KHDRBS2: variants seen among roughly 807,000 people sequenced by gnomAD.
The protein encoded by KHDRBS2 is KH domain-containing, RNA-binding, signal transduction-associated protein 2.
A neutral mutation model predicts 44.3 loss-of-function variants in KHDRBS2; 26 were observed. That is an observed-to-expected ratio of 0.59 (90% CI 0.43 to 0.81). The LOEUF (loss-of-function observed/expected upper bound fraction) is 0.81. Among genes scored for constraint, KHDRBS2 ranks in the 40% least tolerant of loss-of-function variants. KHDRBS2 has a pLI of 0.00. For synonymous variants in KHDRBS2, 194 were observed against 151.1 expected, an observed-to-expected ratio of 1.28 and a Z score of -2.08; for missense variants, 476 against 433.1, an observed-to-expected ratio of 1.10 and a Z score of -0.88.
intron 7 of KHDRBS2, among the ~76,000 whole-genome samples, chr6:61,731,945 A>G (rs1774523545): frequency 6.6e-6 from 1 of 152,118 alleles, no homozygotes; most frequent in South Asian, 2.1e-4. Flanking sequence ...TATGGTAACA[A>G]AAAACAGATA....
At chr6:61,993,193 T>A (rs1020497097) in intron 3 of KHDRBS2, among the ~76,000 whole-genome samples, 2 of 152,108 alleles carry the variant, frequency 1.3e-5, no homozygotes, top group Non-Finnish European at 2.9e-5. Context: ...ACTTTATACT[T>A]GTTGGCACAC....
chr6:62,198,998 C>A (rs965613983), intron 1 of KHDRBS2, among the ~76,000 whole-genome samples: 1 of 152,146 alleles, frequency 6.6e-6, no homozygotes, highest in African/African-American at 2.4e-5. Context: ...ACATGATTAT[C>A]TCAATAGATG....
At chr6:61,823,852 G>A (rs573516977) in intron 6 of KHDRBS2, among the ~76,000 whole-genome samples, 18 of 152,198 alleles carry the variant, frequency 1.2e-4, no homozygotes, top group African/African-American at 4.3e-4. Flanking sequence ...TCAAAAACCA[G>A]TAAAACATGT....
intron 2 of KHDRBS2, among the ~76,000 whole-genome samples, chr6:62,087,507 T>C (rs1447450629): frequency 2.0e-5 from 3 of 152,034 alleles, no homozygotes; most frequent in African/African-American, 4.8e-5. Context: ...AAAAAAGATA[T>C]TAAATAAAAT....
intron 4 of KHDRBS2, among the ~76,000 whole-genome samples, chr6:61,947,362 G>A (rs561126018): frequency 6.6e-6 from 1 of 152,128 alleles, no homozygotes; most frequent in South Asian, 2.1e-4. Flanking sequence ...TCAACTCCAG[G>A]GCACAGAAAA....
At chr6:61,796,977 A>G (rs1232630081) in intron 6 of KHDRBS2, among the ~76,000 whole-genome samples, 2 of 152,320 alleles carry the variant, frequency 1.3e-5, no homozygotes, top group East Asian at 3.9e-4. Context: ...AATATACAGA[A>G]CAAATATCAC....
intron 1 of KHDRBS2, among the ~76,000 whole-genome samples, chr6:62,206,700 A>AT (rs1411118453): frequency 6.6e-6 from 1 of 152,062 alleles, no homozygotes; most frequent in African/African-American, 2.4e-5. Context: ...TTATGATTCT[A>AT]TATCTGTTTT....
intron 6 of KHDRBS2, among the ~76,000 whole-genome samples, chr6:61,783,957 T>C (rs1783415825): frequency 6.6e-6 from 1 of 151,932 alleles, no homozygotes; most frequent in African/African-American, 2.4e-5. Context: ...ACTGAAGCAA[T>C]TGGATTACAG....
chr6:61,966,095 T>C (rs1769873365), intron 4 of KHDRBS2, among the ~76,000 whole-genome samples: 1 of 151,124 alleles, frequency 6.6e-6, no homozygotes. Flanking sequence ...CTGGATGCAA[T>C]ACATTCTAAC....
intron 4 of KHDRBS2, among the ~76,000 whole-genome samples, chr6:61,956,216 C>G (rs963494737): frequency 2.6e-5 from 4 of 151,684 alleles, no homozygotes; most frequent in African/African-American, 9.7e-5. Context: ...AACAAAAAAA[C>G]AGACACTCTT....
intron 3 of KHDRBS2, among the ~76,000 whole-genome samples, chr6:62,036,185 A>T (rs1584287105): frequency 6.6e-6 from 1 of 151,938 alleles, no homozygotes; most frequent in Non-Finnish European, 1.5e-5. Context: ...TGACTTAGGC[A>T]CCCTGAGTAC....
At chr6:61,872,645 C>T (rs1242115674) in intron 6 of KHDRBS2, among the ~76,000 whole-genome samples, 4 of 152,136 alleles carry the variant, frequency 2.6e-5, no homozygotes, top group South Asian at 4.1e-4. Flanking sequence ...ATGAACAAGA[C>T]AAATAACTCG....
chr6:62,218,835 G>T (rs1225082216), intron 1 of KHDRBS2, among the ~76,000 whole-genome samples: 2 of 151,762 alleles, frequency 1.3e-5, no homozygotes, highest in African/African-American at 2.4e-5. Context: ...ATACTGTTAA[G>T]CCATAAGAAA....
At chr6:61,871,859 C>G (rs140574984) in intron 6 of KHDRBS2, among the ~76,000 whole-genome samples, 1 of 149,448 alleles carries the variant, frequency 6.7e-6, no homozygotes, top group Non-Finnish European at 1.5e-5. Flanking sequence ...AAAGAAGCAC[C>G]GCATGTTCTC....
At chr6:62,085,472 GA>G (rs756985003) in intron 2 of KHDRBS2, among the ~76,000 whole-genome samples, 2 of 151,444 alleles carry the variant, frequency 1.3e-5, no homozygotes, top group Non-Finnish European at 1.5e-5. Flanking sequence ...GTGAGTTTCA[GA>G]AAAAAAAGGA....
At chr6:62,135,867 A>G (rs1309917023) in intron 2 of KHDRBS2, among the ~76,000 whole-genome samples, 10 of 152,140 alleles carry the variant, frequency 6.6e-5, no homozygotes, top group South Asian at 2.1e-4. Context: ...AAAAAAACAA[A>G]AAAAGGACTG....
chr6:61,765,203 A>G (rs1372800880), intron 6 of KHDRBS2, among the ~76,000 whole-genome samples: 1 of 152,188 alleles, frequency 6.6e-6, no homozygotes, highest in East Asian at 1.9e-4. Flanking sequence ...CTATAATCCC[A>G]GCATTTTGGA....
chr6:61,635,833 G>T, the KHDRBS2 span, among the ~76,000 whole-genome samples: 2 of 151,950 alleles, frequency 1.3e-5, no homozygotes, highest in East Asian at 1.9e-4. Context: ...TATTGAGAAT[G>T]ATATCATCTT....
intron 6 of KHDRBS2, among the ~76,000 whole-genome samples, chr6:61,768,694 A>G (rs1187904325): frequency 1.3e-5 from 2 of 152,034 alleles, no homozygotes; most frequent in South Asian, 2.1e-4. Flanking sequence ...TAGCTCCACC[A>G]CATGGCTGTT....
Sources: gnomAD v4.1 joint callset for allele counts (sites outside exome capture counted in the v4.1 genomes callset) on GRCh38, gnomAD v4.1.1 for gene constraint, MANE v1.5 for transcripts, NCBI Gene and HGNC (gene_info 2026-07-23, HGNC 2026-07-21) for gene names.